CADM2: variants seen among roughly 807,000 people sequenced by gnomAD.
The protein encoded by CADM2 is cell adhesion molecule 2.
Under a neutral mutation model 49.8 loss-of-function variants are expected in CADM2, and 12 were observed. The ratio of observed to expected loss-of-function variants is 0.24; its 90% CI spans 0.15 to 0.39. The LOEUF is 0.39. Ranked by LOEUF, CADM2 falls within the 10% of genes least tolerant of loss-of-function variation. The pLI, the probability that CADM2 is intolerant of heterozygous loss-of-function variation, is 1.00. For synonymous variants in CADM2, 214 were observed against 175.4 expected, an observed-to-expected ratio of 1.22 and a Z score of -1.74; for missense variants, 378 against 492.3, an observed-to-expected ratio of 0.77 and a Z score of 2.20.
chr3:85,604,632 A>G (rs2063500407), intron 1 of CADM2, among the ~76,000 whole-genome samples: 2 of 151,998 alleles, frequency 1.3e-5, no homozygotes, highest in Non-Finnish European at 2.9e-5. Context: ...GTGAATATTT[A>G]CCAACTCCTG....
At chr3:85,611,387 T>A (rs2063678374) in intron 1 of CADM2, among the ~76,000 whole-genome samples, 1 of 151,788 alleles carries the variant, frequency 6.6e-6, no homozygotes, top group Non-Finnish European at 1.5e-5. Context: ...TAATAACATA[T>A]CTCAGCATAT....
chr3:85,620,728 T>C (rs1280059182), intron 1 of CADM2, among the ~76,000 whole-genome samples: 1 of 152,110 alleles, frequency 6.6e-6, no homozygotes, highest in Non-Finnish European at 1.5e-5. Flanking sequence ...ATCTGATATG[T>C]GACACAAAGC....
chr3:86,040,623 G>A (rs1735761797), intron 8 of CADM2, among the ~76,000 whole-genome samples: 1 of 152,190 alleles, frequency 6.6e-6, no homozygotes, highest in South Asian at 2.1e-4. Flanking sequence ...ACCTGAAAGT[G>A]ATGGGGAGAA....
intron 1 of CADM2, among the ~76,000 whole-genome samples, chr3:85,471,803 C>A (rs1019460997): frequency 6.8e-6 from 1 of 147,096 alleles, no homozygotes. Flanking sequence ...TGGAAAAATA[C>A]AAAAGTCAAT....
At chr3:85,316,414 A>G (rs2044465169) in intron 1 of CADM2, among the ~76,000 whole-genome samples, 1 of 152,142 alleles carries the variant, frequency 6.6e-6, no homozygotes, top group Non-Finnish European at 1.5e-5. Flanking sequence ...GGCTGAAATG[A>G]GAGATTGGCT....
chr3:85,517,248 G>T (rs2106875891), intron 1 of CADM2, among the ~76,000 whole-genome samples: 1 of 151,758 alleles, frequency 6.6e-6, no homozygotes, highest in East Asian at 1.9e-4. Flanking sequence ...TTCAAGAAAA[G>T]CTTACTGTAA....
intron 1 of CADM2, among the ~76,000 whole-genome samples, chr3:85,120,482 A>G (rs2038816731): frequency 6.6e-6 from 1 of 152,228 alleles, no homozygotes; most frequent in Non-Finnish European, 1.5e-5. Flanking sequence ...TACACCATGG[A>G]ATACTATGCA....
At chr3:85,032,965 A>G (rs1333729206) in intron 1 of CADM2, among the ~76,000 whole-genome samples, 3 of 152,186 alleles carry the variant, frequency 2.0e-5, no homozygotes, top group Non-Finnish European at 4.4e-5. Flanking sequence ...GATTTTCAGT[A>G]ATATTCTCTC....
At chr3:85,938,363 G>C (rs183883182) in intron 7 of CADM2, among the ~76,000 whole-genome samples, 53 of 152,128 alleles carry the variant, frequency 3.5e-4, no homozygotes, top group African/African-American at 1.2e-3. Flanking sequence ...AAATTGAAAC[G>C]GTTTAATCAG....
chr3:85,317,436 T>C (rs1467844491), intron 1 of CADM2, among the ~76,000 whole-genome samples: 1 of 152,190 alleles, frequency 6.6e-6, no homozygotes, highest in Non-Finnish European at 1.5e-5. Context: ...AAGTAGCCAT[T>C]TCGGTCTGTT....
At chr3:85,248,295 G>A (rs1172072901) in intron 1 of CADM2, among the ~76,000 whole-genome samples, 1 of 151,404 alleles carries the variant, frequency 6.6e-6, no homozygotes. Context: ...CTTTTTTTGA[G>A]ACAGAGTCTC....
At chr3:85,449,260 G>A (rs1240085951) in intron 1 of CADM2, among the ~76,000 whole-genome samples, 2 of 151,412 alleles carry the variant, frequency 1.3e-5, no homozygotes, top group Non-Finnish European at 2.9e-5. Flanking sequence ...GAATTTCATG[G>A]AATATAAAAT....
At chr3:85,743,047 T>C (rs1263334311) in intron 2 of CADM2, among the ~76,000 whole-genome samples, 1 of 152,130 alleles carries the variant, frequency 6.6e-6, no homozygotes, top group Non-Finnish European at 1.5e-5. Context: ...CTCTGGGTGG[T>C]TTATGTAAAT....
intron 2 of CADM2, among the ~76,000 whole-genome samples, chr3:85,778,181 CA>C (rs1019863534): frequency 3.4e-4 from 51 of 152,132 alleles, no homozygotes; most frequent in Middle Eastern, 6.8e-3. Context: ...TTTTGGTGTT[CA>C]AAAAATTCGC....
intron 1 of CADM2, among the ~76,000 whole-genome samples, chr3:85,692,978 C>T (rs1210737869): frequency 6.6e-6 from 1 of 151,906 alleles, no homozygotes; most frequent in Admixed American, 6.6e-5. Context: ...GCCTGTAATC[C>T]CAGCGCTTTG....
chr3:85,484,071 AAGTAGCCTGGAGGC>A (rs1348621817), intron 1 of CADM2, among the ~76,000 whole-genome samples: 1 of 151,852 alleles, frequency 6.6e-6, no homozygotes, highest in East Asian at 1.9e-4. Flanking sequence ...CAATTTTCTA[AAGTAGCCTGGAGGC>A]ATATCCCATG....
At chr3:85,259,790 G>T in intron 1 of CADM2, among the ~76,000 whole-genome samples, 1 of 152,076 alleles carries the variant, frequency 6.6e-6, no homozygotes, top group Admixed American at 6.6e-5. Flanking sequence ...TTGTCTCAGT[G>T]CTACATTATC....
intron 1 of CADM2, among the ~76,000 whole-genome samples, chr3:85,234,668 C>G (rs1349152666): frequency 6.6e-6 from 1 of 152,090 alleles, no homozygotes; most frequent in Non-Finnish European, 1.5e-5. Context: ...GTGGTAAATA[C>G]TGGTCAGTGA....
chr3:85,935,845 A>G lies in CADM2; in HGVS notation c.779A>G (p.Lys260Arg), dbSNP rs776297046. 2.5e-6 allele frequency: 4 copies of G among 1,595,846 alleles called. No homozygotes were observed. Among genetic ancestry groups the G allele is most frequent in the East Asian group, 2.2e-5 (1 of 44,620 alleles). ...CCTTTAATTTTGACTTGTGAATCCA[A>G]AGGAAAACCACTGTAAGTGAGTTAA... ...GQPLILTCES[K>R]GKPLPEPVLW... The change falls in exon 7 of 10, where the codon AAA (lysine) becomes AGA (arginine). Residue 260 changes from lysine to arginine, a missense_variant. By Grantham distance (26) the Lys-to-Arg change is conservative (BLOSUM62 2). Coordinates refer to ENST00000383699, the MANE Select transcript of CADM2 (RefSeq NM_001167675.2).
Sources: gnomAD v4.1 joint callset for allele counts (sites outside exome capture counted in the v4.1 genomes callset) on GRCh38, gnomAD v4.1.1 for gene constraint, MANE v1.5 for transcripts, NCBI Gene and HGNC (gene_info 2026-07-23, HGNC 2026-07-21) for gene names.